Variants in KEAP1 observed in about 807,000 individuals in gnomAD.
KEAP1 encodes the protein kelch-like ECH-associated protein 1.
Under a neutral mutation model 59.7 loss-of-function variants are expected in KEAP1, and 26 were observed. The ratio of observed to expected loss-of-function variants is 0.44; its 90% confidence interval spans 0.32 to 0.60. KEAP1 has a LOEUF of 0.60. Ranked by LOEUF, KEAP1 falls within the 20% of genes least tolerant of loss-of-function variation. The pLI is 0.06. For synonymous variants in KEAP1, 350 were observed against 358.3 expected (o/e 0.98, Z 0.26); for missense variants, 539 against 871.4 (o/e 0.62, Z 4.80).
At chr19:10,496,661 C>T (rs1182998221) in intron 2 of KEAP1, among the ~76,000 whole-genome samples, 1 of 149,922 alleles carries the variant, frequency 6.7e-6, no homozygotes. Context: ...AATTAGCCAG[C>T]GTGGTGGTGC....
chr19:10,487,422 C>T (rs1180751414), intron 5 of KEAP1, among the ~76,000 whole-genome samples: 1 of 151,862 alleles, frequency 6.6e-6, no homozygotes, highest in Non-Finnish European at 1.5e-5. Flanking sequence ...TTTGGGAGGC[C>T]GAGGCGGGCA....
Position 10,502,994 on chromosome 19 carries a change from C to T in KEAP1, c.-48+247G>A, listed in dbSNP as rs1915097815. 2 of 152,020 alleles carry T rather than the reference C, an allele frequency of 1.3e-5. No homozygotes were observed. The highest frequency in any genetic ancestry group is 4.8e-5 in the African/African-American group (2 of 41,406). The allele number at this position is 152,020 out of a possible 1,614,324, so 9.4% of individuals were successfully genotyped here. A position where few individuals can be genotyped will look rare whatever the true frequency, so the allele number is the denominator to read the frequency against. ...GCGCGCTTAGCCGCGTGGTCCGAGT[C>T]GCGGGGAGTCTGAACCCCGAGTTCC... On this transcript the variant is annotated intron_variant, in intron 1 of 5. Coordinates refer to ENST00000171111, the MANE Select transcript of KEAP1 (RefSeq NM_203500.2). The surrounding 1 kb of genome is among the most constrained non-coding windows in gnomAD (Gnocchi z 4.0).
At chr19:10,488,658 C>T (rs1334422263) in intron 5 of KEAP1, among the ~76,000 whole-genome samples, 1 of 151,626 alleles carries the variant, frequency 6.6e-6, no homozygotes, top group Admixed American at 6.6e-5. Context: ...ACAGGCCGGG[C>T]GCGGTGGCTC....
chr19:10,486,563 G>T lies in KEAP1; in HGVS notation c.*89C>A. The T allele has an allele frequency of 7.7e-7, 1 of 1,296,938 alleles. No homozygotes were observed. Among genetic ancestry groups the T allele is most frequent in the Non-Finnish European group, 1.1e-6 (1 of 917,806 alleles). 80.3% of individuals were successfully genotyped at this position (1,296,938 alleles called of 1,614,324 possible). ...CTTCCCGGAAGATGGGTTATTTGCA[G>T]TGCTGTCTTTTCTTTTAGTCCCGGT... is the stretch of plus-strand genomic sequence containing the variant. On this transcript the variant is annotated 3_prime_UTR_variant, in exon 6 of 6. Coordinates refer to ENST00000171111, the MANE Select transcript of KEAP1 (RefSeq NM_203500.2).
chr19:10,502,747 C>T lies in KEAP1; in HGVS notation c.-48+494G>A, dbSNP rs1915088188. On this transcript the variant is annotated intron_variant, in intron 1 of 5. Coordinates refer to ENST00000171111, the MANE Select transcript of KEAP1 (RefSeq NM_203500.2). This position sits in a 1 kb window ranked among gnomAD's most constrained non-coding sequence, Gnocchi z 4.0. ...GCCTCCACCGCCCGAGCCCCGGCGC[C>T]TCCATCGCTGCGCGTGGGGGAGGCG... 1 of 152,072 alleles carries T rather than the reference C, an allele frequency of 6.6e-6. No homozygotes were observed. Among genetic ancestry groups the T allele is most frequent in the Admixed American group, 6.5e-5 (1 of 15,268 alleles). The allele number at this position is 152,072 out of a possible 1,614,324, so 9.4% of individuals were successfully genotyped here.
intron 1 of KEAP1, among the ~76,000 whole-genome samples, chr19:10,500,699 T>C (rs867896874): frequency 2.2e-4 from 30 of 134,096 alleles, no homozygotes; most frequent in Non-Finnish European, 3.1e-4. Context: ...TTTTTTTTTT[T>C]CAGATGGAGT....
chr19:10,498,858 C>CT (rs1914942817), intron 2 of KEAP1, among the ~76,000 whole-genome samples: 1 of 147,578 alleles, frequency 6.8e-6, no homozygotes, highest in Non-Finnish European at 1.5e-5. Flanking sequence ...TTTTTTGAAA[C>CT]TGAGTCTTGC....
chr19:10,493,388 TCCTGACCTTGTGATCCA>T (rs1185549260), intron 2 of KEAP1, among the ~76,000 whole-genome samples: 3 of 151,922 alleles, frequency 2.0e-5, no homozygotes, highest in African/African-American at 7.3e-5. Flanking sequence ...GGTCTCGATC[TCCTGACCTTGTGATCCA>T]CCCGCCTTAG....
chr19:10,493,362 C>T (rs1053554828), intron 2 of KEAP1, among the ~76,000 whole-genome samples: 5 of 151,730 alleles, frequency 3.3e-5, no homozygotes, highest in African/African-American at 9.7e-5. Flanking sequence ...TGGGGTTTCA[C>T]CGTGTTAGCC....
chr19:10,489,094 TAAAAAAA>T (rs33966407), intron 5 of KEAP1, 91 bp downstream of exon 5: 217 of 425,184 alleles, frequency 5.1e-4, no homozygotes, highest in East Asian at 1.9e-3. Context: ...ACCTTGTTTC[TAAAAAAA>T]AAAAAAAAAA....
rs1253124289 is a variant in KEAP1, at chr19:10,486,456, CG to C, written c.*195del. The C allele has an allele frequency of 4.8e-6, 3 of 629,522 alleles. No individual in the cohort carries two copies. In the African/African-American group the frequency reaches 5.5e-5, roughly 12 times the overall value. The allele number at this position is 629,522 out of a possible 1,614,324, so 39.0% of individuals were successfully genotyped here. ...CCAGCCAGGCTGTCTTGGACACTCC[CG>C]GGGCTCCGCTGAGGGGCACATGATT... On this transcript the variant is annotated 3_prime_UTR_variant, in exon 6 of 6. Transcript: ENST00000171111.
At chr19:10,494,096 C>T (rs1370006563) in intron 2 of KEAP1, among the ~76,000 whole-genome samples, 1 of 151,980 alleles carries the variant, frequency 6.6e-6, no homozygotes, top group East Asian at 1.9e-4. Flanking sequence ...TGTGTGCCAC[C>T]ACGCACAGCT....
At chr19:10,500,443 T>C (rs374395174) in intron 1 of KEAP1, among the ~76,000 whole-genome samples, 4 of 152,164 alleles carry the variant, frequency 2.6e-5, no homozygotes, top group African/African-American at 9.7e-5. Context: ...TTCTAGAGCA[T>C]GTTGAGCTCA....
At chr19:10,492,414 G>T in intron 2 of KEAP1, 152 bp from the exon 3 acceptor site, 1 of 652,334 alleles carries the variant, frequency 1.5e-6, no homozygotes, top group Non-Finnish European at 2.6e-6. Context: ...CGCGTACATT[G>T]TGATGACTAA....
intron 2 of KEAP1, 28 bp from the exon 3 acceptor site, chr19:10,492,290 G>A (rs1163457138): frequency 6.4e-7 from 1 of 1,569,858 alleles, no homozygotes; most frequent in South Asian, 1.1e-5. Flanking sequence ...GGGACGGGCT[G>A]ACTCTCCAGT....
In KEAP1 at chr19:10,499,299, T is replaced by C; in HGVS notation, c.639+96A>G. On this transcript the variant is annotated intron_variant, in intron 2 of 5. Coordinates refer to ENST00000171111, the MANE Select transcript of KEAP1 (RefSeq NM_203500.2). The surrounding 1 kb of genome is among the most constrained non-coding windows in gnomAD (Gnocchi z 6.7). ...GCCCAGAACCTCCTTTTTCTCCAGT[T>C]TCCTGCCTTGACATCTCAAGGGGAG... is the stretch of plus-strand genomic sequence containing the variant. The C allele has an allele frequency of 8.5e-7, 1 of 1,180,600 alleles. No homozygotes were observed. The highest frequency in any genetic ancestry group is 2.6e-5 in the East Asian group (1 of 39,078). 73.1% of individuals were successfully genotyped at this position (1,180,600 alleles called of 1,614,324 possible).
chr19:10,493,240 C>G (rs1185348051), intron 2 of KEAP1, among the ~76,000 whole-genome samples: 1 of 151,678 alleles, frequency 6.6e-6, no homozygotes, highest in African/African-American at 2.4e-5. Flanking sequence ...CTTGCTGCAA[C>G]CTCCGCCTCC....
rs555908657 is a variant in KEAP1, at chr19:10,502,115, G to A, written c.-48+1126C>T. On this transcript the variant is annotated intron_variant, in intron 1 of 5. Transcript: ENST00000171111. The surrounding 1 kb of genome is among the most constrained non-coding windows in gnomAD (Gnocchi z 4.0). ...CCCTCTCCTGTGCCTCTCGCCTGGG[G>A]CCTGGCACTGCGCAGGGGTCAATAA... Among the ~76,000 whole-genome samples the A allele has an allele frequency of 2.0e-5, 3 of 152,262 alleles. No individual in the cohort carries two copies. In the East Asian group the frequency reaches 5.8e-4, roughly 29 times the overall value.
At chr19:10,497,311 G>A (rs1914885133) in intron 2 of KEAP1, among the ~76,000 whole-genome samples, 1 of 152,078 alleles carries the variant, frequency 6.6e-6, no homozygotes, top group African/African-American at 2.4e-5. Flanking sequence ...AACCCCACAT[G>A]TAACATAGAG....
Sources: allele counts gnomAD v4.1 joint callset (sites outside exome capture counted in the v4.1 genomes callset), GRCh38; gene constraint gnomAD v4.1.1; non-coding constraint Gnocchi (gnomAD v3.1); transcripts MANE v1.5; gene names NCBI Gene and HGNC (gene_info 2026-07-23, HGNC 2026-07-21).